The following BDP1 variants were observed in gnomAD, a reference collection of about 807,000 sequenced individuals.
BDP1 encodes the protein transcription factor TFIIIB component B'' homolog.
BDP1 carries 169 observed loss-of-function variants against 266.6 expected under a neutral mutation model. The ratio of observed to expected loss-of-function variants is 0.63; its 90% CI spans 0.56 to 0.72. The LOEUF is 0.72. Ranked by LOEUF, BDP1 falls within the 30% of genes least tolerant of loss-of-function variation. BDP1 has a pLI of 0.00. For missense variants in BDP1, 3,015 were observed against 3,053.8 expected, an observed-to-expected ratio of 0.99 and a Z score of 0.30; for synonymous variants, 1,090 against 1,022.4, an observed-to-expected ratio of 1.07 and a Z score of -1.26.
intron 9 of BDP1, among the ~76,000 whole-genome samples, chr5:71,487,690 G>A (rs1481457517): frequency 6.6e-6 from 1 of 152,178 alleles, no homozygotes; most frequent in Non-Finnish European, 1.5e-5. Context: ...ACCACCACCG[G>A]GGTTCGATTA....
At chr5:71,547,563 A>G (rs1742425460) in intron 32 of BDP1, among the ~76,000 whole-genome samples, 1 of 152,198 alleles carries the variant, frequency 6.6e-6, no homozygotes, top group Non-Finnish European at 1.5e-5. Flanking sequence ...AATGAGACCA[A>G]CGCAGCAAGC....
At chr5:71,561,787 G>C (rs1001649010) in intron 37 of BDP1, among the ~76,000 whole-genome samples, 12 of 152,160 alleles carry the variant, frequency 7.9e-5, no homozygotes, top group African/African-American at 2.4e-4. Flanking sequence ...GGCCATGCCC[G>C]CTACCAACTG....
intron 22 of BDP1, among the ~76,000 whole-genome samples, chr5:71,521,198 A>G (rs1765475896): frequency 6.6e-6 from 1 of 151,910 alleles, no homozygotes; most frequent in African/African-American, 2.4e-5. Context: ...AAAAAAAAAA[A>G]AAAAGATTAG....
chr5:71,541,345 A>T, intron 28 of BDP1, 109 bp from the exon 29 acceptor site: 1 of 539,590 alleles, frequency 1.9e-6, no homozygotes, highest in Non-Finnish European at 3.2e-6. Flanking sequence ...CACACAAATG[A>T]AGCAAACTTT....
At chr5:71,474,585 C>T (rs1162242027) in intron 7 of BDP1, among the ~76,000 whole-genome samples, 9 of 150,916 alleles carry the variant, frequency 6.0e-5, no homozygotes, top group Non-Finnish European at 8.9e-5. Context: ...TGGTGACTCA[C>T]GCCTGTAATC....
rs1319655133 is a variant in BDP1 at position 71,486,536 on chromosome 5, T to TC, written c.1123dup (p.Leu375ProfsTer3). The TC allele has an allele frequency of 1.3e-5, 20 of 1,545,902 alleles. No individual in the cohort carries two copies. The highest frequency in any genetic ancestry group is 1.6e-5 in the Non-Finnish European group (19 of 1,158,082). On this transcript the variant is annotated frameshift_variant, in exon 9 of 39. Transcript: ENST00000358731. LOFTEE classifies it high-confidence loss of function. Reference sequence around the variant, plus strand: ...TTTTTGCTCATTTGCTTCAGAAAGTTCTTGCTGAAGAAGAGAAAAGAAAAC... The same window carrying TC: ...TTTTTGCTCATTTGCTTCAGAAAGTTCCTTGCTGAAGAAGAGAAAAGAAAAC...
At chr5:71,504,323 A>AAGG (rs1012857382) in intron 15 of BDP1, among the ~76,000 whole-genome samples, 3 of 152,072 alleles carry the variant, frequency 2.0e-5, no homozygotes, top group African/African-American at 7.2e-5. Context: ...ATGCATTTAT[A>AAGG]GTAATCAAAA....
chr5:71,560,243 A>G lies in BDP1; in HGVS notation c.7496+6A>G, dbSNP rs895735659. On this transcript the variant is annotated splice_donor_region_variant and intron_variant, in intron 37 of 38. Transcript: ENST00000358731. Reference sequence around the variant, plus strand: ...TCTAAAGCCTCACTATCCAGGTATCATGAACAAATCTTTAATAAGTGTTTT... The same window carrying G: ...TCTAAAGCCTCACTATCCAGGTATCGTGAACAAATCTTTAATAAGTGTTTT... 1 of 1,612,542 alleles carries G rather than the reference A, an allele frequency of 6.2e-7. No individual in the cohort carries two copies. The highest frequency in any genetic ancestry group is 8.5e-7 in the Non-Finnish European group (1 of 1,179,296).
chr5:71,528,147 A>C (rs1013330728), intron 25 of BDP1, among the ~76,000 whole-genome samples: 6 of 151,958 alleles, frequency 3.9e-5, no homozygotes, highest in Admixed American at 1.3e-4. Flanking sequence ...TCTATACTTA[A>C]CTTTTCAAGC....
In BDP1 at chr5:71,522,860, T is replaced by A. The variant is rs751846831; in HGVS notation, c.5298T>A (p.Val1766=). ...LAKIDAELEE[V]GPSRRVGEET... Reference sequence around the variant, plus strand: ...AAATAGATGCGGAATTAGAAGAAGTTGGACCATCAAGAAGGGTTGGAGAGG... The same window carrying A: ...AAATAGATGCGGAATTAGAAGAAGTAGGACCATCAAGAAGGGTTGGAGAGG... The change falls in exon 24 of 39, where the codon GTT becomes GTA. Residue 1766 remains valine, a synonymous_variant. Transcript: ENST00000358731. 1.2e-6 allele frequency: 2 copies of A among 1,613,968 alleles called. No homozygotes were observed. The highest frequency in any genetic ancestry group is 3.3e-5 in the Admixed American group (2 of 59,994).
At chr5:71,457,324 T>A (rs943894306) in intron 1 of BDP1, among the ~76,000 whole-genome samples, 46 of 149,722 alleles carry the variant, frequency 3.1e-4, no homozygotes, top group East Asian at 9.8e-4. Context: ...TTTTTTTTTT[T>A]AATTAGTTTT....
chr5:71,515,092 T>C lies in BDP1; in HGVS notation c.4619T>C (p.Val1540Ala). Residue 1540 changes from valine to alanine, a missense_variant, in exon 20 of 39, where the codon GTC (valine) becomes GCC (alanine). Coordinates refer to ENST00000358731, the MANE Select transcript of BDP1 (RefSeq NM_018429.3). Reference sequence around the variant, plus strand: ...AAAGAGGAGTCTCAGTCAGCACCAGTCCAGAAAAATGACTCAGTTGTTTCT... The same window carrying C: ...AAAGAGGAGTCTCAGTCAGCACCAGCCCAGAAAAATGACTCAGTTGTTTCT... Reference protein sequence around the residue: ...EPKEESQSAPVQKNDSVVSVG... With the variant: ...EPKEESQSAPAQKNDSVVSVG... 1 of 1,602,168 alleles carries C rather than the reference T, an allele frequency of 6.2e-7. No individual in the cohort carries two copies.
chr5:71,461,683 A>G (rs1470753877), intron 2 of BDP1, 134 bp from the exon 3 acceptor site: 1 of 551,290 alleles, frequency 1.8e-6, no homozygotes, highest in Non-Finnish European at 3.3e-6. Flanking sequence ...TTCCATCTAC[A>G]AAATTACATA....
chr5:71,571,376 T>C (rs536919894), downstream of BDP1, among the ~76,000 whole-genome samples: 6 of 152,122 alleles, frequency 3.9e-5, no homozygotes, highest in Non-Finnish European at 8.8e-5. Context: ...ATTCCTGAGC[T>C]CAAGTGAACC....
chr5:71,574,159 G>A, the BDP1 span, among the ~76,000 whole-genome samples: 46,226 of 152,116 alleles, frequency 0.3, 8,024 homozygotes, highest in East Asian at 0.5. Flanking sequence ...CCAAGGGTCA[G>A]ACCCTAAAAT....
chr5:71,577,379 C>T, the BDP1 span, among the ~76,000 whole-genome samples: 71 of 152,310 alleles, frequency 4.7e-4, 1 homozygote, highest in African/African-American at 1.2e-3. Flanking sequence ...GAACTGGACA[C>T]GCACAGTCAA....
intron 5 of BDP1, among the ~76,000 whole-genome samples, chr5:71,466,580 G>A (rs1284915460): frequency 6.6e-6 from 1 of 152,094 alleles, no homozygotes; most frequent in South Asian, 2.1e-4. Flanking sequence ...ATATTATTAA[G>A]AGCATATCCT....
At chr5:71,464,197 G>C in intron 4 of BDP1, 80 bp downstream of exon 4, 1 of 890,284 alleles carries the variant, frequency 1.1e-6, no homozygotes, top group Admixed American at 2.7e-5. Context: ...TGTTATAGTT[G>C]AATTACATTT....
chr5:71,469,263 C>T (rs1038591390), intron 6 of BDP1, among the ~76,000 whole-genome samples: 1 of 151,794 alleles, frequency 6.6e-6, no homozygotes, highest in Admixed American at 6.6e-5. Flanking sequence ...CTCAGTCTCC[C>T]GAGTAGCTGG....
Sources: gnomAD v4.1 joint callset for allele counts (sites outside exome capture counted in the v4.1 genomes callset) on GRCh38, gnomAD v4.1.1 for gene constraint, MANE v1.5 for transcripts, NCBI Gene and HGNC (gene_info 2026-07-23, HGNC 2026-07-21) for gene names.